The following USH1C variants were observed in gnomAD, a reference collection of about 807,000 sequenced individuals.
USH1C encodes the protein USH1 protein network component harmonin, also known as harmonin.
Under a neutral mutation model 119.3 loss-of-function variants are expected in USH1C, and 90 were observed. The ratio of observed to expected loss-of-function variants is 0.75; its 90% confidence interval spans 0.64 to 0.90. USH1C has a LOEUF of 0.90. Among genes scored for constraint, USH1C ranks in the 40% least tolerant of loss-of-function variants. USH1C has a pLI of 0.00. For missense variants in USH1C, 1,165 were observed against 1,167.7 expected, an observed-to-expected ratio of 1.00 and a Z score of 0.03; for synonymous variants, 465 against 443.3, an observed-to-expected ratio of 1.05 and a Z score of -0.62.
chr11:17,498,365 A>G, intron 23 of USH1C, 94 bp from the exon 24 acceptor site: 1 of 1,146,028 alleles, frequency 8.7e-7, no homozygotes, highest in South Asian at 1.2e-5. Context: ...CAGACAGCAG[A>G]AGAGACCTGA....
At chr11:17,535,746 C>G (rs1259777531) in intron 1 of USH1C, among the ~76,000 whole-genome samples, 2 of 152,256 alleles carry the variant, frequency 1.3e-5, no homozygotes, top group East Asian at 1.9e-4. Flanking sequence ...GCACCAGGAG[C>G]TTTTCATGGG....
In USH1C at chr11:17,522,815, T is replaced by A. The variant is rs767460132; in HGVS notation, c.988A>T (p.Ile330Phe). ...QKRLAMESNK[I>F]LQEQQEMERQ... ...TCCATCTCCTGCTGCTCCTGGAGGA[T>A]CTTGTTGGACTCCATCGCCAGCCGC... The change falls in exon 12 of 27, where the codon ATC becomes TTC. Residue 330 changes from isoleucine (I) to phenylalanine (F), a missense_variant. Physicochemically the swap from Ile to Phe is conservative, Grantham distance 21. Transcript: ENST00000005226. The A allele has an allele frequency of 1.9e-6, 3 of 1,613,932 alleles. No individual in the cohort carries two copies. Among genetic ancestry groups the A allele is most frequent in the Non-Finnish European group, 1.7e-6 (2 of 1,179,968 alleles).
At chr11:17,533,422 C>G in intron 1 of USH1C, 100 bp from the exon 2 acceptor site, 1 of 854,950 alleles carries the variant, frequency 1.2e-6, no homozygotes, top group Non-Finnish European at 2.0e-6. Context: ...TCCCCAGCAG[C>G]TTTTCAGGGC....
intron 1 of USH1C, among the ~76,000 whole-genome samples, chr11:17,535,523 G>T (rs980075494): frequency 1.3e-5 from 2 of 152,030 alleles, no homozygotes; most frequent in East Asian, 3.9e-4. Context: ...TGTCACCTTC[G>T]CTGGACAGAA....
At chr11:17,496,851 G>A in intron 24 of USH1C, 38 bp from the exon 25 acceptor site, 2 of 1,611,408 alleles carry the variant, frequency 1.2e-6, no homozygotes, top group Non-Finnish European at 1.7e-6. Flanking sequence ...GGCACACTCA[G>A]TTGGATGGTG....
At chr11:17,532,180 C>T (rs1030720632) in intron 2 of USH1C, among the ~76,000 whole-genome samples, 1 of 152,212 alleles carries the variant, frequency 6.6e-6, no homozygotes, top group African/African-American at 2.4e-5. Flanking sequence ...AAGTCCTACT[C>T]CCCCAGATTA....
At chr11:17,524,160 A>G (rs1213955304) in intron 9 of USH1C, among the ~76,000 whole-genome samples, 2 of 152,174 alleles carry the variant, frequency 1.3e-5, no homozygotes, top group African/African-American at 4.8e-5. Flanking sequence ...GTGAAGTGTA[A>G]AGGGCATGGA....
chr11:17,501,200 G>T, intron 22 of USH1C, 50 bp from the exon 23 acceptor site: 2 of 1,445,474 alleles, frequency 1.4e-6, no homozygotes, highest in Non-Finnish European at 1.9e-6. Context: ...AGCAGCCTGT[G>T]GACACCTGGG....
chr11:17,518,648 C>T (rs1187788539), intron 14 of USH1C, among the ~76,000 whole-genome samples: 1 of 152,212 alleles, frequency 6.6e-6, no homozygotes, highest in African/African-American at 2.4e-5. Flanking sequence ...GGGGGGCAGT[C>T]AGTCCCAGGC....
intron 18 of USH1C, among the ~76,000 whole-genome samples, chr11:17,508,061 G>C (rs1849719086): frequency 6.6e-6 from 1 of 151,964 alleles, no homozygotes; most frequent in African/African-American, 2.4e-5. Context: ...ACAGAGAGAG[G>C]CCCCAGGCAG....
intron 14 of USH1C, among the ~76,000 whole-genome samples, chr11:17,519,153 C>T (rs1441010709): frequency 2.0e-5 from 3 of 152,200 alleles, no homozygotes; most frequent in Non-Finnish European, 4.4e-5. Flanking sequence ...CCTGCTGGAC[C>T]AACTCAGCCC....
At chr11:17,534,576 A>C (rs1035877301) in intron 1 of USH1C, among the ~76,000 whole-genome samples, 3 of 152,190 alleles carry the variant, frequency 2.0e-5, no homozygotes, top group Non-Finnish European at 4.4e-5. Context: ...ACCTCAGTGC[A>C]AGGAGTTCCC....
chr11:17,514,938 T>C (rs918116759), intron 15 of USH1C, among the ~76,000 whole-genome samples: 84 of 151,482 alleles, frequency 5.5e-4, no homozygotes, highest in Admixed American at 4.0e-4. Flanking sequence ...TGATGGGAGG[T>C]GGTATGTGGA....
At position 17,544,277 on chromosome 11, in the gene USH1C, G is replaced by T. The variant is rs1322658934; in HGVS notation, c.31C>A (p.His11Asn). The change falls in exon 1 of 27, where the codon CAT becomes AAT. Residue 11 changes from histidine (H) to asparagine (N), a missense_variant. Coordinates refer to ENST00000005226, the MANE Select transcript of USH1C (RefSeq NM_153676.4). Reference sequence around the variant, plus strand: ...GGGCGCCCTGCAGCTCTGACCTTATGCCGGAATTCTCGGGCCACTTTTCGG... The same window carrying T: ...GGGCGCCCTGCAGCTCTGACCTTATTCCGGAATTCTCGGGCCACTTTTCGG... MDRKVAREFR[H>N]KVDFLIENDA... 2.5e-6 allele frequency: 4 copies of T among 1,614,080 alleles called. No homozygotes were observed. Among genetic ancestry groups the T allele is most frequent in the Non-Finnish European group, 3.4e-6 (4 of 1,179,998 alleles).
chr11:17,519,058 C>G (rs1030984082), intron 14 of USH1C, among the ~76,000 whole-genome samples: 2 of 151,250 alleles, frequency 1.3e-5, no homozygotes, highest in African/African-American at 2.4e-5. Context: ...CCCTTGCAGG[C>G]ATAGAAGCCT....
chr11:17,500,614 C>G (rs191836766), intron 23 of USH1C, among the ~76,000 whole-genome samples: 1 of 152,262 alleles, frequency 6.6e-6, no homozygotes, highest in East Asian at 1.9e-4. Context: ...GCCCTTTCTC[C>G]CCTTCGCGAG....
intron 4 of USH1C, among the ~76,000 whole-genome samples, chr11:17,528,022 T>C (rs1850786033): frequency 6.6e-6 from 1 of 152,232 alleles, no homozygotes; most frequent in Admixed American, 6.5e-5. Context: ...TTATTATTAT[T>C]AGCTATATGA....
chr11:17,539,232 C>G (rs1448041787), intron 1 of USH1C, among the ~76,000 whole-genome samples: 1 of 152,190 alleles, frequency 6.6e-6, no homozygotes, highest in African/African-American at 2.4e-5. Context: ...TTGTCCCCAA[C>G]TCTGCCATGG....
At chr11:17,511,700 A>G (rs1424005557) in intron 16 of USH1C, among the ~76,000 whole-genome samples, 1 of 152,234 alleles carries the variant, frequency 6.6e-6, no homozygotes, top group Non-Finnish European at 1.5e-5. Flanking sequence ...ATTAGTTTCA[A>G]TTCCTAAGCC....
Sources: gnomAD v4.1 joint callset for allele counts (sites outside exome capture counted in the v4.1 genomes callset) on GRCh38, gnomAD v4.1.1 for gene constraint, MANE v1.5 for transcripts, NCBI Gene and HGNC (gene_info 2026-07-23, HGNC 2026-07-21) for gene names.